The following STX1B variants were observed in gnomAD, a reference collection of about 807,000 sequenced individuals.
STX1B encodes the protein syntaxin 1B.
In STX1B, 7 loss-of-function variants were observed where a neutral mutation model predicts 39.4. The observed-to-expected ratio is 0.18, with a 90% CI of 0.10 to 0.33. STX1B has a LOEUF of 0.33. Ranked by LOEUF, STX1B falls within the 10% of genes least tolerant of loss-of-function variation. The pLI is 1.00. For missense variants in STX1B, 198 were observed against 383.2 expected (o/e 0.52, Z 4.04); for synonymous variants, 136 against 144.1 (o/e 0.94, Z 0.40).
chr16:30,996,340 C>T (rs1225424668), intron 7 of STX1B: 4 of 231,148 alleles, frequency 1.7e-5, no homozygotes, highest in Non-Finnish European at 3.4e-5. Flanking sequence ...CAAGTCCTGG[C>T]CCTCTCCCTC....
At chr16:30,993,314 C>T in intron 8 of STX1B, 33 bp downstream of exon 8, 2 of 1,613,646 alleles carry the variant, frequency 1.2e-6, no homozygotes, top group Non-Finnish European at 1.7e-6. Flanking sequence ...CCCAGGGAGG[C>T]TCCCAGAGTG....
rs986790266 is a variant in STX1B, at chr16:30,990,693, C to T, written c.*2128G>A. Reference sequence around the variant, plus strand: ...ACTTGTGTGTTCACCTTTCATGATCCTAGACCACGGAGTGGGGACCTCTAA... The same window carrying T: ...ACTTGTGTGTTCACCTTTCATGATCTTAGACCACGGAGTGGGGACCTCTAA... On this transcript the variant is annotated 3_prime_UTR_variant, in exon 10 of 10. Transcript: ENST00000215095. 1.3e-5 allele frequency: 2 copies of T among 152,264 alleles called. No homozygotes were observed. Among genetic ancestry groups the T allele is most frequent in the African/African-American group, 4.8e-5 (2 of 41,460 alleles). The allele number at this position is 152,264 out of a possible 1,614,324, so 9.4% of individuals were successfully genotyped here.
chr16:30,995,117 T>C (rs2056585364), intron 7 of STX1B, among the ~76,000 whole-genome samples: 1 of 151,950 alleles, frequency 6.6e-6, no homozygotes, highest in African/African-American at 2.4e-5. Context: ...TTGCCTACAT[T>C]AAAAGAAATT....
intron 7 of STX1B, among the ~76,000 whole-genome samples, chr16:30,994,431 A>AC (rs2056580958): frequency 6.6e-6 from 1 of 151,288 alleles, no homozygotes; most frequent in Non-Finnish European, 1.5e-5. Flanking sequence ...CAAAAAAAAA[A>AC]AAAAAAAAGG....
chr16:31,001,310 G>C lies in STX1B; in HGVS notation c.106-117C>G, dbSNP rs2143678108. On this transcript the variant is annotated intron_variant, in intron 2 of 9. Transcript: ENST00000215095. The surrounding 1 kb of genome is among the most constrained non-coding windows in gnomAD (Gnocchi z 5.5). ...CCCCAGAACGGCTGATAAAAGGCCA[G>C]GGAGGGTGCAGGAGCAGGGAAGTGG... The C allele has an allele frequency of 1.9e-6, 2 of 1,050,748 alleles. No individual in the cohort carries two copies. Among genetic ancestry groups the C allele is most frequent in the East Asian group, 5.0e-5 (2 of 39,624 alleles). 65.1% of individuals were successfully genotyped at this position (1,050,748 alleles called of 1,614,324 possible). A position where few individuals can be genotyped will look rare whatever the true frequency, so the allele number is the denominator to read the frequency against.
At chr16:30,997,709 G>T in intron 4 of STX1B, 134 bp from the exon 5 acceptor site, 2 of 805,820 alleles carry the variant, frequency 2.5e-6, no homozygotes, top group South Asian at 3.3e-5. Flanking sequence ...GCGAGTTGCG[G>T]GCAGCGGTGC....
At chr16:31,000,096 C>T (rs2143675435) in intron 4 of STX1B, among the ~76,000 whole-genome samples, 1 of 151,328 alleles carries the variant, frequency 6.6e-6, no homozygotes, top group Non-Finnish European at 1.5e-5. Flanking sequence ...CTCCCGGGTT[C>T]AAGTGATTCC....
rs1013875272 is a variant in STX1B at position 30,990,411 on chromosome 16, G to T, written c.*2410C>A. On this transcript the variant is annotated 3_prime_UTR_variant, in exon 10 of 10. Transcript: ENST00000215095. ...GGACAGCCCACCTGGGGTTACGCAC[G>T]TGGCCACACTGACACACACACAGGA... The T allele has an allele frequency of 1.1e-4, 16 of 152,230 alleles. No homozygotes were observed. Among genetic ancestry groups the T allele is most frequent in the African/African-American group, 3.9e-4 (16 of 41,426 alleles). The allele number at this position is 152,230 out of a possible 1,614,324, so 9.4% of individuals were successfully genotyped here.
chr16:31,004,653 G>T (rs1006738043), intron 1 of STX1B, among the ~76,000 whole-genome samples: 2 of 151,080 alleles, frequency 1.3e-5, no homozygotes, highest in Non-Finnish European at 2.9e-5. Flanking sequence ...TCCAGCCTGG[G>T]TGACAGAGCA....
rs1319757772 is a variant in STX1B at position 30,991,001 on chromosome 16, G to C, written c.*1820C>G. The stretch of plus-strand genomic sequence containing the variant: ...CCCCAAACCCGAGTTCCCTGAGGCA[G>C]AGCCCAGAGCATCCGATGGGGCAGT... On this transcript the variant is annotated 3_prime_UTR_variant, in exon 10 of 10. Coordinates refer to ENST00000215095, the MANE Select transcript of STX1B (RefSeq NM_052874.5). The C allele has an allele frequency of 6.6e-6, 1 of 152,486 alleles. No homozygotes were observed. Among genetic ancestry groups the C allele is most frequent in the Non-Finnish European group, 1.5e-5 (1 of 68,086 alleles). The allele number at this position is 152,486 out of a possible 1,614,324, so 9.4% of individuals were successfully genotyped here. A position where few individuals can be genotyped will look rare whatever the true frequency, so the allele number is the denominator to read the frequency against.
chr16:30,995,097 T>C (rs948948673), intron 7 of STX1B, among the ~76,000 whole-genome samples: 1 of 151,728 alleles, frequency 6.6e-6, no homozygotes, highest in African/African-American at 2.4e-5. Flanking sequence ...GGTTTCACCA[T>C]AGAACTGATT....
Position 30,997,605 on chromosome 16 carries a change from G to T in STX1B, c.281-30C>A, listed in dbSNP as rs745398844. On this transcript the variant is annotated intron_variant, in intron 4 of 9. Coordinates refer to ENST00000215095, the MANE Select transcript of STX1B (RefSeq NM_052874.5). ...GGGAGAGAGGGCGCAGCGATGGGCGGGAGACCCGGGGCACATGGGGCGAGG... is the reference window on the plus strand; with the variant it reads ...GGGAGAGAGGGCGCAGCGATGGGCGTGAGACCCGGGGCACATGGGGCGAGG... The T allele has an allele frequency of 8.2e-6, 13 of 1,583,808 alleles. No individual in the cohort carries two copies. The South Asian group carries it at 1.5e-4, about 18-fold the overall frequency.
intron 5 of STX1B, 55 bp from the exon 6 acceptor site, chr16:30,997,114 G>A (rs1465779088): frequency 1.0e-5 from 13 of 1,239,714 alleles, no homozygotes; most frequent in Middle Eastern, 1.9e-4. Context: ...GGATCAGGGA[G>A]GGAGTCAGGG....
chr16:30,997,621 T>C, intron 4 of STX1B, 46 bp from the exon 5 acceptor site: 1 of 1,552,562 alleles, frequency 6.4e-7, no homozygotes, highest in African/African-American at 1.4e-5. Flanking sequence ...CCGGGGCACA[T>C]GGGGCGAGGG....
rs2056577242 is a variant in STX1B at position 30,993,995 on chromosome 16, A to C, written c.538-511T>G. Among the ~76,000 whole-genome samples, 3 of 151,524 alleles carry C rather than the reference A, an allele frequency of 2.0e-5. No individual in the cohort carries two copies. The South Asian group carries it at 6.3e-4, about 32-fold the overall frequency. On this transcript the variant is annotated intron_variant, in intron 7 of 9. Transcript: ENST00000215095. ...GAGTGAAATTCCATCTCAAAAAAAA[A>C]AAAAGAGTCAGGGCTGGGCACAGTA...
At chr16:30,993,805 C>T (rs944797376) in intron 7 of STX1B, among the ~76,000 whole-genome samples, 6 of 152,028 alleles carry the variant, frequency 3.9e-5, no homozygotes, top group African/African-American at 9.6e-5. Context: ...GCCAACATGG[C>T]GAAACCTCGT....
chr16:31,005,644 G>A (rs2056651496), intron 1 of STX1B, among the ~76,000 whole-genome samples: 1 of 151,840 alleles, frequency 6.6e-6, no homozygotes, highest in African/African-American at 2.4e-5. Flanking sequence ...CACTCCATGA[G>A]GTCATATTCT....
Position 31,001,359 on chromosome 16 carries a change from G to A in STX1B, c.106-166C>T, listed in dbSNP as rs1050623674. ...GGGGGACAGGGAAAAGGAAGTTGTCGGTGGCTAGGGGCTGGGTGCCGGGGC... is the reference window on the plus strand; with the variant it reads ...GGGGGACAGGGAAAAGGAAGTTGTCAGTGGCTAGGGGCTGGGTGCCGGGGC... On this transcript the variant is annotated intron_variant, in intron 2 of 9. Coordinates refer to ENST00000215095, the MANE Select transcript of STX1B (RefSeq NM_052874.5). This position sits in a 1 kb window ranked among gnomAD's most constrained non-coding sequence, Gnocchi z 5.5. 2.0e-5 allele frequency among the ~76,000 whole-genome samples: 3 copies of A among 152,002 alleles called. No individual in the cohort carries two copies. Among genetic ancestry groups the A allele is most frequent in the Admixed American group, 6.6e-5 (1 of 15,260 alleles).
intron 4 of STX1B, among the ~76,000 whole-genome samples, 172 bp from the exon 5 acceptor site, chr16:30,997,747 T>A (rs2056603612): frequency 6.6e-6 from 1 of 152,170 alleles, no homozygotes; most frequent in Non-Finnish European, 1.5e-5. Context: ...AGCCAGCAGA[T>A]AAACAGACGA....
Sources: allele counts gnomAD v4.1 joint callset (sites outside exome capture counted in the v4.1 genomes callset), GRCh38; gene constraint gnomAD v4.1.1; non-coding constraint Gnocchi (gnomAD v3.1); transcripts MANE v1.5; gene names NCBI Gene and HGNC (gene_info 2026-07-23, HGNC 2026-07-21).